The following GRIK1 variants were observed in gnomAD, a reference collection of about 807,000 sequenced individuals.
The protein encoded by GRIK1 is glutamate receptor ionotropic, kainate 1.
GRIK1 carries 69 observed loss-of-function variants against 105.7 expected under a neutral mutation model. The ratio of observed to expected loss-of-function variants is 0.65; its 90% CI spans 0.54 to 0.80. The LOEUF is 0.80. Among genes scored for constraint, GRIK1 ranks in the 30% least tolerant of loss-of-function variants. GRIK1 has a pLI of 0.00. For synonymous variants in GRIK1, 438 were observed against 431.3 expected, an observed-to-expected ratio of 1.02 and a Z score of -0.19; for missense variants, 1,109 against 1,167.3, an observed-to-expected ratio of 0.95 and a Z score of 0.73.
intron 3 of GRIK1, among the ~76,000 whole-genome samples, chr21:29,685,846 A>G (rs1256896453): frequency 6.6e-6 from 1 of 152,214 alleles, no homozygotes; most frequent in Non-Finnish European, 1.5e-5. Context: ...AGTCATAGAA[A>G]GTAGAATTTC....
chr21:29,871,025 T>C (rs2068988773), intron 1 of GRIK1, among the ~76,000 whole-genome samples: 1 of 152,182 alleles, frequency 6.6e-6, no homozygotes. Context: ...CTTCTGACTC[T>C]GCCTGAAAGC....
chr21:29,796,487 C>T (rs2066558867), intron 1 of GRIK1, among the ~76,000 whole-genome samples: 1 of 151,956 alleles, frequency 6.6e-6, no homozygotes, highest in Non-Finnish European at 1.5e-5. Flanking sequence ...ATATATTATA[C>T]ATTATATATT....
intron 1 of GRIK1, among the ~76,000 whole-genome samples, chr21:29,812,145 C>A (rs1460919224): frequency 1.3e-5 from 2 of 152,086 alleles, no homozygotes; most frequent in Admixed American, 6.6e-5. Context: ...TAATCTTTTT[C>A]AAATTTTCCC....
intron 15 of GRIK1, among the ~76,000 whole-genome samples, chr21:29,560,509 TTC>T (rs869296726): frequency 0.13 from 5,311 of 40,914 alleles, 1,250 homozygotes; most frequent in South Asian, 0.16. Flanking sequence ...CCTTCCTTCC[TTC>T]CTTCCTTCCT....
At chr21:29,913,206 A>G (rs1443343309) in intron 1 of GRIK1, among the ~76,000 whole-genome samples, 1 of 152,044 alleles carries the variant, frequency 6.6e-6, no homozygotes, top group African/African-American at 2.4e-5. Flanking sequence ...TCTGCCACTA[A>G]CTAGCTGTAT....
intron 1 of GRIK1, among the ~76,000 whole-genome samples, chr21:29,855,693 T>C (rs151168983): frequency 1.9e-4 from 29 of 152,282 alleles, no homozygotes; most frequent in South Asian, 8.3e-4. Context: ...ATAGATCAGC[T>C]GGGGAAAGAG....
intron 1 of GRIK1, among the ~76,000 whole-genome samples, chr21:29,842,120 G>C (rs1199462909): frequency 6.6e-6 from 1 of 152,058 alleles, no homozygotes; most frequent in Non-Finnish European, 1.5e-5. Flanking sequence ...GCATTACAAA[G>C]CCAATTATAA....
intron 1 of GRIK1, among the ~76,000 whole-genome samples, chr21:29,849,355 G>T (rs60048460): frequency 0.31 from 47,778 of 151,998 alleles, 8,077 homozygotes; most frequent in East Asian, 0.46. Context: ...ATCACAGATG[G>T]TAAGTGCAAT....
intron 1 of GRIK1, among the ~76,000 whole-genome samples, chr21:29,836,813 T>C (rs1382204717): frequency 6.6e-6 from 1 of 152,220 alleles, no homozygotes; most frequent in Non-Finnish European, 1.5e-5. Flanking sequence ...TGTAGAAGTA[T>C]AAAGCTTAGT....
rs2068911839 is a variant in GRIK1, at chr21:29,868,763, C to A, written c.118+70620G>T. ...CACCTGTAATGCATTGCTTCTTTTG[C>A]TATCATTGTCAGGAAACAGCTTTGA... is the stretch of plus-strand genomic sequence containing the variant. On this transcript the variant is annotated intron_variant, in intron 1 of 17. Coordinates refer to ENST00000327783, the MANE Select transcript of GRIK1 (RefSeq NM_001330994.2). Among the ~76,000 whole-genome samples, 6 of 151,830 alleles carry A rather than the reference C, an allele frequency of 4.0e-5. No homozygotes were observed. The South Asian group carries it at 1.2e-3, about 31-fold the overall frequency.
intron 1 of GRIK1, among the ~76,000 whole-genome samples, chr21:29,822,417 A>T (rs1380040820): frequency 6.6e-6 from 1 of 152,038 alleles, no homozygotes; most frequent in Non-Finnish European, 1.5e-5. Flanking sequence ...TGACTTTAGC[A>T]GACAATTCTA....
At chr21:29,575,909 A>G (rs957483036) in intron 14 of GRIK1, among the ~76,000 whole-genome samples, 22 of 152,164 alleles carry the variant, frequency 1.4e-4, no homozygotes, top group Admixed American at 6.6e-4. Context: ...AGTCCACTCA[A>G]TGCTGAGGTG....
chr21:29,796,434 A>T (rs927293894), intron 1 of GRIK1, among the ~76,000 whole-genome samples: 6 of 152,128 alleles, frequency 3.9e-5, no homozygotes. Context: ...AATTTTCACC[A>T]TTGAGATTAT....
Position 29,636,206 on chromosome 21 carries a change from G to T in GRIK1, c.1098+6620C>A, listed in dbSNP as rs1243243230. On this transcript the variant is annotated intron_variant, in intron 7 of 17. Transcript: ENST00000327783. ...CTTCCAGAAGGATCAGTCTCAGAGA[G>T]GGGAGGTATTTGATGTTAAATCAAC... is the stretch of plus-strand genomic sequence containing the variant. Among the ~76,000 whole-genome samples, 3 of 152,288 alleles carry T rather than the reference G, an allele frequency of 2.0e-5. No individual in the cohort carries two copies. In the East Asian group the frequency reaches 5.8e-4, roughly 29 times the overall value.
intron 1 of GRIK1, among the ~76,000 whole-genome samples, chr21:29,779,272 A>G (rs995089515): frequency 6.6e-6 from 1 of 152,206 alleles, no homozygotes; most frequent in Admixed American, 6.5e-5. Flanking sequence ...TGCCTGTGAT[A>G]AGTCAGACAG....
intron 1 of GRIK1, among the ~76,000 whole-genome samples, chr21:29,734,780 A>G (rs1013122941): frequency 6.6e-6 from 1 of 152,162 alleles, no homozygotes; most frequent in Admixed American, 6.5e-5. Context: ...CCTCTTTGAC[A>G]TAGCTCTAAT....
At chr21:29,780,156 T>A (rs2145773673) in intron 1 of GRIK1, among the ~76,000 whole-genome samples, 1 of 152,328 alleles carries the variant, frequency 6.6e-6, no homozygotes, top group Middle Eastern at 3.4e-3. Flanking sequence ...CTGTAGCTAA[T>A]TGGATGCCAG....
intron 1 of GRIK1, among the ~76,000 whole-genome samples, chr21:29,719,993 A>G (rs1166304612): frequency 6.6e-6 from 1 of 152,258 alleles, no homozygotes; most frequent in Non-Finnish European, 1.5e-5. Flanking sequence ...TTTCATTTTA[A>G]AAATACTTTT....
Position 29,576,962 on chromosome 21 carries a change from A to G in GRIK1, c.2130+2T>C. On this transcript the variant is annotated splice_donor_variant, in intron 14 of 17. Transcript: ENST00000327783. LOFTEE classifies it high-confidence loss of function. ...ACTGAGAACACTTTGTCAGCTTCTT[A>G]CCTTGAAGAAGGTCATTGTTGATCC... 6.4e-7 allele frequency: 1 copy of G among 1,552,704 alleles called. No individual in the cohort carries two copies. Among genetic ancestry groups the G allele is most frequent in the Non-Finnish European group, 8.9e-7 (1 of 1,126,836 alleles).
Sources: allele counts gnomAD v4.1 joint callset (sites outside exome capture counted in the v4.1 genomes callset), GRCh38; gene constraint gnomAD v4.1.1; transcripts MANE v1.5; gene names NCBI Gene and HGNC (gene_info 2026-07-23, HGNC 2026-07-21).